TYR: variants seen among roughly 807,000 people sequenced by gnomAD.
TYR encodes the protein LB24-AB.
In TYR, 58 loss-of-function variants were observed where a neutral mutation model predicts 51.5. That is an observed-to-expected ratio of 1.13 (90% CI 0.91 to 1.40). The LOEUF (loss-of-function observed/expected upper bound fraction) is 1.40, where lower values mean the gene tolerates loss of function less well. Ranked by LOEUF, TYR falls within the 40% of genes most tolerant of loss-of-function variation. TYR has a pLI of 0.00. For missense variants in TYR, 732 were observed against 647.4 expected, an observed-to-expected ratio of 1.13 and a Z score of -1.42; for synonymous variants, 263 against 235.2, an observed-to-expected ratio of 1.12 and a Z score of -1.08.
At position 89,178,290 on chromosome 11, in the gene TYR, A is replaced by G; in HGVS notation, c.337A>G (p.Thr113Ala). ...CKFGFWGPNCTERRLLVRRNI... is the reference protein window; with the variant it reads ...CKFGFWGPNCAERRLLVRRNI... ...GTTTGGCTTTTGGGGACCAAACTGC[A>G]CAGAGAGACGACTCTTGGTGAGAAG... Residue 113 changes from threonine to alanine, a missense_variant, in exon 1 of 5, where the codon ACA (threonine) becomes GCA (alanine). Physicochemically the swap from Thr to Ala is moderately conservative, Grantham distance 58. Transcript: ENST00000263321. 6.2e-7 allele frequency: 1 copy of G among 1,614,182 alleles called. No individual in the cohort carries two copies. The highest frequency in any genetic ancestry group is 8.5e-7 in the Non-Finnish European group (1 of 1,180,010).
intron 1 of TYR, among the ~76,000 whole-genome samples, chr11:89,190,731 A>G (rs1309774916): frequency 6.6e-6 from 1 of 152,068 alleles, no homozygotes; most frequent in Admixed American, 6.6e-5. Context: ...TACTTACCCA[A>G]TGCAACTTCT....
At position 89,178,337 on chromosome 11, in the gene TYR, C is replaced by G. The variant is rs56414416; in HGVS notation, c.384C>G (p.Ala128=). The part of the protein sequence containing the change: ...LVRRNIFDLS[A]PEKDKFFAYL... ...GAAGAAACATCTTCGATTTGAGTGC[C>G]CCAGAGAAGGACAAATTTTTTGCCT... is the stretch of plus-strand genomic sequence containing the variant. The change falls in exon 1 of 5, where the codon GCC becomes GCG. Residue 128 remains alanine, a synonymous_variant. Transcript: ENST00000263321. 2.5e-6 allele frequency: 4 copies of G among 1,614,118 alleles called. No individual in the cohort carries two copies. Among genetic ancestry groups the G allele is most frequent in the African/African-American group, 1.3e-5 (1 of 75,006 alleles).
chr11:89,245,077 A>G (rs1279395169), intron 3 of TYR, among the ~76,000 whole-genome samples: 1 of 152,186 alleles, frequency 6.6e-6, no homozygotes, highest in Non-Finnish European at 1.5e-5. Flanking sequence ...GTTTGATACT[A>G]TTGTTTGGAA....
chr11:89,197,422 A>T (rs1943535256), intron 2 of TYR, among the ~76,000 whole-genome samples: 1 of 152,226 alleles, frequency 6.6e-6, no homozygotes, highest in Non-Finnish European at 1.5e-5. Flanking sequence ...CATTCGTAAT[A>T]CATTAAATGT....
At chr11:89,254,500 T>C (rs370247433) in intron 3 of TYR, among the ~76,000 whole-genome samples, 44 of 151,808 alleles carry the variant, frequency 2.9e-4, no homozygotes, top group African/African-American at 1.1e-3. Flanking sequence ...TCAATGTCGC[T>C]GCTTTTTATT....
At chr11:89,189,480 A>G (rs563695191) in intron 1 of TYR, among the ~76,000 whole-genome samples, 2 of 152,038 alleles carry the variant, frequency 1.3e-5, no homozygotes, top group East Asian at 1.9e-4. Flanking sequence ...AGGATATTTT[A>G]TGAACAAAAA....
In TYR at chr11:89,210,585, G is replaced by A. The variant is rs189623375; in HGVS notation, c.1037-17238G>A. Among the ~76,000 whole-genome samples, 25 of 152,228 alleles carry A rather than the reference G, an allele frequency of 1.6e-4. No homozygotes were observed. The East Asian group carries it at 4.8e-3, about 29-fold the overall frequency. On this transcript the variant is annotated intron_variant, in intron 2 of 4. Coordinates refer to ENST00000263321, the MANE Select transcript of TYR (RefSeq NM_000372.5). ...AGAACTTCCCCAACCTAGCAAGGCA[G>A]GCCAACATTCAAATTCAGGAAATAC...
intron 1 of TYR, among the ~76,000 whole-genome samples, chr11:89,181,688 C>T (rs1024364237): frequency 6.6e-6 from 1 of 152,018 alleles, no homozygotes; most frequent in African/African-American, 2.4e-5. Flanking sequence ...GCTGAGAGAT[C>T]TTCAATTTTA....
At chr11:89,243,724 A>G (rs886405495) in intron 3 of TYR, among the ~76,000 whole-genome samples, 1 of 152,166 alleles carries the variant, frequency 6.6e-6, no homozygotes, top group African/African-American at 2.4e-5. Flanking sequence ...TGGCTAAGAA[A>G]TGTAGTTGAA....
At chr11:89,268,614 T>C (rs1360754265) in intron 3 of TYR, among the ~76,000 whole-genome samples, 1 of 151,986 alleles carries the variant, frequency 6.6e-6, no homozygotes, top group Non-Finnish European at 1.5e-5. Context: ...TGATTTATTA[T>C]AATTTAATAT....
intron 3 of TYR, among the ~76,000 whole-genome samples, chr11:89,260,250 C>CAA (rs778745472): frequency 1.9e-4 from 17 of 91,052 alleles, no homozygotes; most frequent in Admixed American, 9.6e-4. Flanking sequence ...GAATAAAATG[C>CAA]AAAAAAAAAA....
At chr11:89,241,844 A>G (rs1228375352) in intron 3 of TYR, among the ~76,000 whole-genome samples, 2 of 148,452 alleles carry the variant, frequency 1.3e-5, no homozygotes, top group Admixed American at 1.4e-4. Flanking sequence ...TATATTTCAT[A>G]TTAATATAAT....
At chr11:89,237,800 C>A (rs1333145366) in intron 3 of TYR, among the ~76,000 whole-genome samples, 1 of 151,738 alleles carries the variant, frequency 6.6e-6, no homozygotes, top group Non-Finnish European at 1.5e-5. Flanking sequence ...TAATAATATT[C>A]TTTCTTCCAA....
At chr11:89,186,470 C>T (rs979332543) in intron 1 of TYR, among the ~76,000 whole-genome samples, 1 of 152,114 alleles carries the variant, frequency 6.6e-6, no homozygotes, top group Admixed American at 6.5e-5. Context: ...TCCACCAGCC[C>T]TACCTAGTTT....
chr11:89,183,040 C>G (rs982836386), intron 1 of TYR, among the ~76,000 whole-genome samples: 13 of 152,056 alleles, frequency 8.5e-5, no homozygotes, highest in Admixed American at 2.0e-4. Context: ...ATAACAGCTT[C>G]TCTTTTTTCT....
chr11:89,191,294 T>C lies in TYR; in HGVS notation c.912T>C (p.His304=). 2 of 1,613,698 alleles carry C rather than the reference T, an allele frequency of 1.2e-6. No homozygotes were observed. The highest frequency in any genetic ancestry group is 1.7e-6 in the Non-Finnish European group (2 of 1,179,792). The change falls in exon 2 of 5, where the codon CAT becomes CAC. Residue 304 remains histidine, a synonymous_variant. Transcript: ENST00000263321. ...CTTTACGGCGTAATCCTGGAAACCA[T>C]GACAAATCCAGAACCCCAAGGCTCC... ...EGPLRRNPGN[H]DKSRTPRLPS...
At chr11:89,214,071 C>G (rs1239273830) in intron 2 of TYR, among the ~76,000 whole-genome samples, 1 of 152,088 alleles carries the variant, frequency 6.6e-6, no homozygotes, top group African/African-American at 2.4e-5. Context: ...GCAACAAAAG[C>G]CAAAATTGAC....
At chr11:89,194,180 T>C (rs1943485424) in intron 2 of TYR, among the ~76,000 whole-genome samples, 1 of 152,236 alleles carries the variant, frequency 6.6e-6, no homozygotes, top group Admixed American at 6.5e-5. Context: ...CATAACCTTG[T>C]ACATATGTGT....
intron 3 of TYR, among the ~76,000 whole-genome samples, chr11:89,260,298 A>G (rs1944441951): frequency 6.6e-6 from 1 of 152,002 alleles, no homozygotes; most frequent in African/African-American, 2.4e-5. Flanking sequence ...AGATCTGAGC[A>G]ACATCATTAA....
Sources: gnomAD v4.1 joint callset for allele counts (sites outside exome capture counted in the v4.1 genomes callset) on GRCh38, gnomAD v4.1.1 for gene constraint, MANE v1.5 for transcripts, NCBI Gene and HGNC (gene_info 2026-07-23, HGNC 2026-07-21) for gene names.